The following GIT2 variants were observed in gnomAD, a reference collection of about 807,000 sequenced individuals.
GIT2 encodes the protein ARF GTPase-activating protein GIT2.
A neutral mutation model predicts 100.3 loss-of-function variants in GIT2; 32 were observed. The ratio of observed to expected loss-of-function variants is 0.32; its 90% confidence interval spans 0.24 to 0.43. The LOEUF (loss-of-function observed/expected upper bound fraction) is 0.43. GIT2 is among the 20% of genes least tolerant of loss of function. The pLI, the probability that GIT2 is intolerant of heterozygous loss-of-function variation, is 1.00. For missense variants in GIT2, 737 were observed against 975.1 expected (o/e 0.76, Z 3.25); for synonymous variants, 353 against 364.1 (o/e 0.97, Z 0.35).
Position 109,938,407 on chromosome 12 carries a change from C to A in GIT2, c.1976G>T (p.Arg659Ile). The change falls in exon 18 of 20, where the codon AGA becomes ATA. Residue 659 changes from arginine to isoleucine, a missense_variant. By Grantham distance (97) the Arg-to-Ile change is moderately conservative. Coordinates refer to ENST00000355312, the MANE Select transcript of GIT2 (RefSeq NM_057169.5). ...QITKNIQELL[R>I]AAQENKHDSY... ...GTCATGTTTATTTTCTTGGGCTGCTCTTAAGAGCTCCTGTATGTTTTTGGT... is the reference window on the plus strand; with the variant it reads ...GTCATGTTTATTTTCTTGGGCTGCTATTAAGAGCTCCTGTATGTTTTTGGT... The A allele has an allele frequency of 6.2e-7, 1 of 1,613,744 alleles. No individual in the cohort carries two copies. The highest frequency in any genetic ancestry group is 1.1e-5 in the South Asian group (1 of 91,042).
chr12:109,960,039 T>A, intron 11 of GIT2, 81 bp from the exon 12 acceptor site: 1 of 879,920 alleles, frequency 1.1e-6, no homozygotes, highest in Non-Finnish European at 1.9e-6. Flanking sequence ...AGTCAGACTA[T>A]TGACAGACTT....
intron 6 of GIT2, chr12:109,982,910 T>G (rs1420214419): frequency 6.5e-6 from 1 of 153,326 alleles, no homozygotes; most frequent in Non-Finnish European, 1.4e-5. Context: ...ACCCTCAAAG[T>G]GCTGGGATTA....
At chr12:109,977,698 T>C (rs1885394264) in intron 7 of GIT2, among the ~76,000 whole-genome samples, 1 of 151,938 alleles carries the variant, frequency 6.6e-6, no homozygotes, top group Admixed American at 6.6e-5. Context: ...GGCAGGCACG[T>C]GTAATCCCAG....
chr12:109,993,542 C>T (rs115390212), intron 1 of GIT2, among the ~76,000 whole-genome samples: 2,213 of 152,272 alleles, frequency 0.015, 64 homozygotes, highest in African/African-American at 0.052. Context: ...TGATCTCAGA[C>T]AAGTTACTTG....
intron 17 of GIT2, 38 bp from the exon 18 acceptor site, chr12:109,938,606 C>A: frequency 1.4e-6 from 2 of 1,454,478 alleles, no homozygotes; most frequent in Non-Finnish European, 1.9e-6. Context: ...ACAGCAGGTG[C>A]TTATCAGCTG....
Position 109,947,547 on chromosome 12 carries a change from A to ACAAAAACAAAC in GIT2, c.1393-44_1393-43insGTTTGTTTTTG. The ACAAAAACAAAC allele has an allele frequency of 1.3e-6, 2 of 1,575,526 alleles. No individual in the cohort carries two copies. Among genetic ancestry groups the ACAAAAACAAAC allele is most frequent in the South Asian group, 2.3e-5 (2 of 87,254 alleles). The stretch of plus-strand genomic sequence containing the variant: ...CAGTGGGACTGTGTTTTTTTACAGC[A>ACAAAAACAAAC]AGCAGAAAAAGCAAACACCAAGTAA... On this transcript the variant is annotated intron_variant, in intron 14 of 19. Transcript: ENST00000355312. This position sits in a 1 kb window ranked among gnomAD's most constrained non-coding sequence, Gnocchi z 4.3.
At chr12:109,963,845 G>A (rs1285651032) in intron 9 of GIT2, among the ~76,000 whole-genome samples, 1 of 152,132 alleles carries the variant, frequency 6.6e-6, no homozygotes, top group Non-Finnish European at 1.5e-5. Flanking sequence ...GAGCAGTTCT[G>A]GCCGGCAGCC....
At chr12:109,965,733 C>A in intron 8 of GIT2, 156 bp from the exon 9 acceptor site, 1 of 753,364 alleles carries the variant, frequency 1.3e-6, no homozygotes. Flanking sequence ...GTGAGGAGCT[C>A]TAAACAGAAC....
At chr12:109,950,990 T>C in intron 14 of GIT2, 177 bp downstream of exon 14, 1 of 661,634 alleles carries the variant, frequency 1.5e-6, no homozygotes, top group South Asian at 1.8e-5. Context: ...ACTCTGGATA[T>C]ATTTCATTTT....
At chr12:109,999,813 C>CG, upstream of GIT2, 1 of 1,500,364 alleles carries the variant, frequency 6.7e-7, no homozygotes, top group African/African-American at 1.4e-5. This position sits in a 1 kb window ranked among gnomAD's most constrained non-coding sequence, Gnocchi z 4.3. Context: ...GTCCGTCTCC[C>CG]GGTGGGGACT....
intron 7 of GIT2, among the ~76,000 whole-genome samples, chr12:109,974,996 CATTT>C (rs573535539): frequency 2.6e-5 from 4 of 152,174 alleles, no homozygotes; most frequent in Non-Finnish European, 5.9e-5. Context: ...TGAATTGACT[CATTT>C]ATGATAATAT....
At chr12:109,937,297 T>A (rs907720574) in intron 18 of GIT2, among the ~76,000 whole-genome samples, 1 of 152,150 alleles carries the variant, frequency 6.6e-6, no homozygotes, top group Non-Finnish European at 1.5e-5. Context: ...AAGGCCCAGA[T>A]GCATGTTTGT....
At chr12:109,996,441 C>A (rs1285392051), upstream of GIT2, 4 of 520,630 alleles carry the variant, frequency 7.7e-6, no homozygotes, top group Non-Finnish European at 1.4e-5. Flanking sequence ...TCTGCCTTGT[C>A]GCCATCTTGA....
chr12:109,945,814 T>C (rs1876166957), intron 15 of GIT2, among the ~76,000 whole-genome samples: 1 of 152,200 alleles, frequency 6.6e-6, no homozygotes, highest in Non-Finnish European at 1.5e-5. Context: ...TTTTCCTAAA[T>C]TTTGTCTTCA....
Position 109,938,522 on chromosome 12 carries a change from C to A in GIT2, c.1861G>T (p.Gly621Cys). 6.2e-7 allele frequency: 1 copy of A among 1,612,206 alleles called. No homozygotes were observed. The highest frequency in any genetic ancestry group is 8.5e-7 in the Non-Finnish European group (1 of 1,179,284). The change falls in exon 18 of 20, where the codon GGC (glycine) becomes TGC (cysteine). Residue 621 changes from glycine (G) to cysteine (C), a missense_variant. Transcript: ENST00000355312. ...GGTTCTGCTGTGTCTGGTACCAAGC[C>A]ATCCCCTGGCCACACCATACTTCTT... ...RQRSMVWPGD[G>C]LVPDTAEPHV... is the part of the protein sequence containing the mutation.
intron 7 of GIT2, among the ~76,000 whole-genome samples, chr12:109,974,740 T>C (rs1382945952): frequency 6.6e-6 from 1 of 152,240 alleles, no homozygotes; most frequent in Non-Finnish European, 1.5e-5. Context: ...TGTATTCTAA[T>C]GTTGTCAGGT....
intron 18 of GIT2, 116 bp downstream of exon 18, chr12:109,938,264 T>A (rs1181322353): frequency 1.4e-6 from 1 of 704,368 alleles, no homozygotes; most frequent in African/African-American, 1.8e-5. Context: ...TAGACTTGTT[T>A]TCAATGACCT....
At position 109,933,871 on chromosome 12, in the gene GIT2, G is replaced by C. The variant is rs985088965; in HGVS notation, c.2067+151C>G. 1 of 635,434 alleles carries C rather than the reference G, an allele frequency of 1.6e-6. No homozygotes were observed. Among genetic ancestry groups the C allele is most frequent in the Non-Finnish European group, 2.9e-6 (1 of 341,040 alleles). 39.4% of individuals were successfully genotyped at this position (635,434 alleles called of 1,614,324 possible). On this transcript the variant is annotated intron_variant, in intron 19 of 19. Transcript: ENST00000355312. The surrounding 1 kb of genome is among the most constrained non-coding windows in gnomAD (Gnocchi z 4.5). The stretch of plus-strand genomic sequence containing the variant: ...CTGTCTCGGCCTCCCAAAGTGCTGG[G>C]GTTACAGGCGTGAGCCACCACACCC...
intron 7 of GIT2, among the ~76,000 whole-genome samples, chr12:109,980,157 C>T (rs954132899): frequency 2.0e-5 from 3 of 151,996 alleles, no homozygotes; most frequent in African/African-American, 7.2e-5. Context: ...CACTGCCACC[C>T]TGAATTCCTG....
Sources: allele counts gnomAD v4.1 joint callset (sites outside exome capture counted in the v4.1 genomes callset), GRCh38; gene constraint gnomAD v4.1.1; non-coding constraint Gnocchi (gnomAD v3.1); transcripts MANE v1.5; gene names NCBI Gene and HGNC (gene_info 2026-07-23, HGNC 2026-07-21).